Variants in CADM2 observed in about 807,000 individuals in gnomAD.
CADM2 encodes immunoglobulin superfamily member 4D.
In CADM2, 12 loss-of-function variants were observed where a neutral mutation model predicts 49.8. The observed-to-expected ratio is 0.24, with a 90% CI of 0.15 to 0.39. CADM2 has a LOEUF of 0.39. Ranked by LOEUF, CADM2 falls within the 10% of genes least tolerant of loss-of-function variation. The probability of loss-of-function intolerance (pLI) is 1.00; values close to 1 mark genes in which losing one functional copy is unlikely to be tolerated. For missense variants in CADM2, 378 were observed against 492.3 expected, an observed-to-expected ratio of 0.77 and a Z score of 2.20; for synonymous variants, 214 against 175.4, an observed-to-expected ratio of 1.22 and a Z score of -1.74.
chr3:86,006,438 A>T (rs1730798885), intron 8 of CADM2, among the ~76,000 whole-genome samples: 1 of 152,166 alleles, frequency 6.6e-6, no homozygotes, highest in South Asian at 2.1e-4. Context: ...GCTGTGTGTG[A>T]CCTGCTGAAT....
chr3:85,771,201 T>C (rs564524036), intron 2 of CADM2, among the ~76,000 whole-genome samples: 1 of 152,292 alleles, frequency 6.6e-6, no homozygotes, highest in Non-Finnish European at 1.5e-5. Flanking sequence ...TTACAGTTCA[T>C]TGGGTCAGTA....
chr3:85,450,729 C>A (rs2037713976), intron 1 of CADM2, among the ~76,000 whole-genome samples: 1 of 151,834 alleles, frequency 6.6e-6, no homozygotes, highest in African/African-American at 2.4e-5. Flanking sequence ...GTTTTATAAA[C>A]AAATTACCTT....
At chr3:85,614,772 A>G (rs1164379540) in intron 1 of CADM2, among the ~76,000 whole-genome samples, 1 of 151,944 alleles carries the variant, frequency 6.6e-6, no homozygotes, top group Non-Finnish European at 1.5e-5. Flanking sequence ...ATGAGCCTCT[A>G]AAGTATCCAG....
chr3:85,224,854 AG>A (rs2042121057), intron 1 of CADM2, among the ~76,000 whole-genome samples: 2 of 152,210 alleles, frequency 1.3e-5, no homozygotes, highest in African/African-American at 4.8e-5. Context: ...TTTATTAAAT[AG>A]GGATCGTTTC....
At chr3:85,565,865 C>T (rs1294860894) in intron 1 of CADM2, among the ~76,000 whole-genome samples, 3 of 140,538 alleles carry the variant, frequency 2.1e-5, no homozygotes, top group Admixed American at 1.5e-4. Flanking sequence ...ACCCTTCCAT[C>T]GTTTTCTTTT....
chr3:85,530,908 ACAC>A (rs1559890309), intron 1 of CADM2, among the ~76,000 whole-genome samples: 139 of 134,282 alleles, frequency 1.0e-3, no homozygotes, highest in African/African-American at 4.5e-3. Context: ...ACACACACAC[ACAC>A]ACAAAATTCA....
chr3:85,551,457 A>G (rs533904774), intron 1 of CADM2, among the ~76,000 whole-genome samples: 1 of 152,210 alleles, frequency 6.6e-6, no homozygotes, highest in African/African-American at 2.4e-5. Flanking sequence ...TTAGTCAGGT[A>G]CCCTAAGTAG....
intron 2 of CADM2, among the ~76,000 whole-genome samples, chr3:85,787,243 T>C (rs897149976): frequency 3.3e-5 from 5 of 152,118 alleles, no homozygotes; most frequent in Non-Finnish European, 7.4e-5. Context: ...AATCCTGTTT[T>C]ATACAAACTC....
At chr3:85,530,696 A>G (rs1192257862) in intron 1 of CADM2, among the ~76,000 whole-genome samples, 1 of 152,108 alleles carries the variant, frequency 6.6e-6, no homozygotes, top group African/African-American at 2.4e-5. Flanking sequence ...GGATTAATAC[A>G]GATAGGGACC....
At chr3:86,055,481 G>GTTTTTTTTTTT (rs1440467932) in intron 8 of CADM2, among the ~76,000 whole-genome samples, 1 of 121,044 alleles carries the variant, frequency 8.3e-6, no homozygotes. Context: ...TTTTTTTTTG[G>GTTTTTTTTTTT]TTTTAGAGGG....
chr3:86,046,969 C>CAAA (rs1248629367), intron 8 of CADM2, among the ~76,000 whole-genome samples: 1 of 151,624 alleles, frequency 6.6e-6, no homozygotes, highest in Non-Finnish European at 1.5e-5. Context: ...TTCCAGACTC[C>CAAA]ATTCATTTAT....
intron 1 of CADM2, among the ~76,000 whole-genome samples, chr3:85,169,565 A>T (rs1416754996): frequency 6.6e-6 from 1 of 152,112 alleles, no homozygotes; most frequent in Non-Finnish European, 1.5e-5. Flanking sequence ...TGAGGTCAGG[A>T]GTTGCAGATG....
intron 1 of CADM2, among the ~76,000 whole-genome samples, chr3:85,375,975 G>C (rs1420346483): frequency 6.6e-6 from 1 of 151,980 alleles, no homozygotes; most frequent in East Asian, 1.9e-4. Context: ...ATAGTCACTG[G>C]ATACATATGA....
chr3:85,016,103 G>A (rs915582037), intron 1 of CADM2, among the ~76,000 whole-genome samples: 4 of 152,054 alleles, frequency 2.6e-5, no homozygotes, highest in Non-Finnish European at 5.9e-5. Context: ...AATTATAATA[G>A]GAAAAGAAGG....
chr3:85,764,326 T>A (rs902939433), intron 2 of CADM2, among the ~76,000 whole-genome samples: 1 of 152,214 alleles, frequency 6.6e-6, no homozygotes, highest in Non-Finnish European at 1.5e-5. Flanking sequence ...ATTCTGGCAA[T>A]TAAAAAGAAT....
intron 1 of CADM2, among the ~76,000 whole-genome samples, chr3:85,716,540 G>T (rs1183286901): frequency 6.6e-6 from 1 of 152,080 alleles, no homozygotes; most frequent in African/African-American, 2.4e-5. Flanking sequence ...TGTCTTTTGT[G>T]GCAATTGTTT....
chr3:85,331,375 A>G (rs1284107726), intron 1 of CADM2, among the ~76,000 whole-genome samples: 1 of 151,700 alleles, frequency 6.6e-6, no homozygotes, highest in Non-Finnish European at 1.5e-5. Flanking sequence ...AGAACATGTG[A>G]TATTTGTTTT....
chr3:86,034,685 T>C (rs1346132000), intron 8 of CADM2, among the ~76,000 whole-genome samples: 1 of 152,042 alleles, frequency 6.6e-6, no homozygotes, highest in African/African-American at 2.4e-5. Context: ...CAGCTGCAGC[T>C]TTGTGTTTTT....
intron 1 of CADM2, among the ~76,000 whole-genome samples, chr3:85,669,343 A>G (rs2065668782): frequency 6.6e-6 from 1 of 152,152 alleles, no homozygotes. Flanking sequence ...CATGTGAAAA[A>G]TGCTTGATGC....
Sources: gnomAD v4.1 joint callset for allele counts (sites outside exome capture counted in the v4.1 genomes callset) on GRCh38, gnomAD v4.1.1 for gene constraint, MANE v1.5 for transcripts, NCBI Gene and HGNC (gene_info 2026-07-23, HGNC 2026-07-21) for gene names.